FNDC3B: variants seen among roughly 807,000 people sequenced by gnomAD.
The protein encoded by FNDC3B is fibronectin type III domain containing 3B.
A neutral mutation model predicts 151.5 loss-of-function variants in FNDC3B; 12 were observed. The ratio of observed to expected loss-of-function variants is 0.08; its 90% CI spans 0.05 to 0.13. The LOEUF (loss-of-function observed/expected upper bound fraction) is 0.13. Among genes scored for constraint, FNDC3B ranks in the 10% least tolerant of loss-of-function variants. The pLI is 1.00. For synonymous variants in FNDC3B, 528 were observed against 549.0 expected (o/e 0.96, Z 0.54); for missense variants, 1,214 against 1,505.3 (o/e 0.81, Z 3.20).
intron 9 of FNDC3B, among the ~76,000 whole-genome samples, chr3:172,305,884 T>G (rs1731169638): frequency 1.3e-5 from 2 of 152,194 alleles, no homozygotes; most frequent in African/African-American, 4.8e-5. Context: ...CCATTTAGTT[T>G]TATATTATCA....
chr3:172,096,860 A>G (rs764230578), intron 1 of FNDC3B, among the ~76,000 whole-genome samples: 1 of 151,972 alleles, frequency 6.6e-6, no homozygotes, highest in Admixed American at 6.6e-5. Flanking sequence ...CGGGCCAAAT[A>G]TTTTTAAAAG....
intron 3 of FNDC3B, among the ~76,000 whole-genome samples, chr3:172,190,675 T>A (rs1171212151): frequency 2.0e-5 from 3 of 152,088 alleles, no homozygotes; most frequent in African/African-American, 7.3e-5. Flanking sequence ...TTTGTTTTGT[T>A]TTGTTTTTTT....
chr3:172,262,224 T>C (rs1481283116), intron 6 of FNDC3B, among the ~76,000 whole-genome samples: 1 of 152,244 alleles, frequency 6.6e-6, no homozygotes, highest in Admixed American at 6.5e-5. Context: ...GTATATTCTA[T>C]TCCTCCTACT....
intron 25 of FNDC3B, among the ~76,000 whole-genome samples, chr3:172,385,955 T>C (rs1464444988): frequency 3.9e-5 from 6 of 152,232 alleles, no homozygotes; most frequent in African/African-American, 1.4e-4. Context: ...GCCTTGGTTC[T>C]AGGTGATTCG....
chr3:172,105,619 TAA>T (rs537392799), intron 1 of FNDC3B, among the ~76,000 whole-genome samples: 9,954 of 127,080 alleles, frequency 0.078, 1,163 homozygotes, highest in African/African-American at 0.26. Context: ...ATTGTTTTCT[TAA>T]AAAAAAAAAA....
chr3:172,386,911 G>A (rs1047810464), intron 25 of FNDC3B, among the ~76,000 whole-genome samples: 2 of 152,040 alleles, frequency 1.3e-5, no homozygotes, highest in East Asian at 1.9e-4. Context: ...ATCACAAAGA[G>A]TACCACAAGG....
intron 3 of FNDC3B, among the ~76,000 whole-genome samples, chr3:172,166,075 G>A (rs1331164710): frequency 6.6e-6 from 1 of 152,112 alleles, no homozygotes; most frequent in East Asian, 1.9e-4. Context: ...TGACAATTTA[G>A]GAAACATAGA....
intron 3 of FNDC3B, among the ~76,000 whole-genome samples, chr3:172,154,363 G>A (rs575537930): frequency 4.6e-5 from 7 of 152,132 alleles, no homozygotes; most frequent in Admixed American, 2.6e-4. Context: ...CTACAGGTGC[G>A]TGCCACCATG....
At chr3:172,055,313 G>A (rs1355224930) in intron 1 of FNDC3B, among the ~76,000 whole-genome samples, 1 of 151,984 alleles carries the variant, frequency 6.6e-6, no homozygotes, top group Non-Finnish European at 1.5e-5. Context: ...AGTTTTATTT[G>A]ATTTTGGACC....
chr3:172,292,952 C>T (rs1730418537), intron 7 of FNDC3B, among the ~76,000 whole-genome samples: 1 of 152,078 alleles, frequency 6.6e-6, no homozygotes, highest in Non-Finnish European at 1.5e-5. Flanking sequence ...GGCAAGAGTA[C>T]AAAGAAGAGT....
intron 3 of FNDC3B, among the ~76,000 whole-genome samples, chr3:172,163,063 A>G (rs763027086): frequency 6.6e-6 from 1 of 152,162 alleles, no homozygotes; most frequent in Non-Finnish European, 1.5e-5. Flanking sequence ...GCTTGAAGCC[A>G]GGAGTTTGAG....
intron 21 of FNDC3B, among the ~76,000 whole-genome samples, chr3:172,349,907 C>T (rs1188489046): frequency 6.6e-6 from 1 of 152,168 alleles, no homozygotes. Flanking sequence ...CCACCCGCCT[C>T]AGCCTCGCAA....
At chr3:172,118,508 G>C (rs1325064961) in intron 2 of FNDC3B, among the ~76,000 whole-genome samples, 7 of 152,200 alleles carry the variant, frequency 4.6e-5, no homozygotes, top group Non-Finnish European at 7.3e-5. Context: ...CGATTACCCA[G>C]GAGAAAGAAG....
chr3:172,065,015 G>A (rs186424023), intron 1 of FNDC3B, among the ~76,000 whole-genome samples: 1 of 152,230 alleles, frequency 6.6e-6, no homozygotes, highest in East Asian at 1.9e-4. Context: ...GGCATCTCAG[G>A]CACTGCAGAG....
At chr3:172,285,565 A>G (rs1297226939) in intron 6 of FNDC3B, among the ~76,000 whole-genome samples, 1 of 152,240 alleles carries the variant, frequency 6.6e-6, no homozygotes, top group Admixed American at 6.5e-5. Context: ...TGTCTCTTCA[A>G]CCACATCTTA....
At chr3:172,320,532 G>A (rs1732030452) in intron 11 of FNDC3B, among the ~76,000 whole-genome samples, 1 of 152,180 alleles carries the variant, frequency 6.6e-6, no homozygotes, top group Admixed American at 6.5e-5. Context: ...TCTTGTGCCA[G>A]GAATGAAGCA....
chr3:172,214,324 A>G (rs1000303648), intron 3 of FNDC3B, among the ~76,000 whole-genome samples: 6 of 152,192 alleles, frequency 3.9e-5, no homozygotes, highest in African/African-American at 1.4e-4. Flanking sequence ...CAGAGACTGG[A>G]ACTATATACA....
At chr3:172,189,886 C>T (rs1354599698) in intron 3 of FNDC3B, among the ~76,000 whole-genome samples, 1 of 149,968 alleles carries the variant, frequency 6.7e-6, no homozygotes, top group Non-Finnish European at 1.5e-5. Flanking sequence ...AGATAGGGAA[C>T]CAGTTTAATT....
intron 3 of FNDC3B, among the ~76,000 whole-genome samples, chr3:172,198,386 A>C (rs973317611): frequency 4.6e-5 from 7 of 152,218 alleles, no homozygotes; most frequent in Admixed American, 1.3e-4. Context: ...ACCATAGGTA[A>C]TACACATGCA....
Sources: gnomAD v4.1 joint callset for allele counts (sites outside exome capture counted in the v4.1 genomes callset) on GRCh38, gnomAD v4.1.1 for gene constraint, MANE v1.5 for transcripts, NCBI Gene and HGNC (gene_info 2026-07-23, HGNC 2026-07-21) for gene names.